PADI2: variants seen among roughly 807,000 people sequenced by gnomAD.
PADI2 encodes the protein peptidyl arginine deiminase 2, also known as protein-arginine deiminase type-2.
Under a neutral mutation model 81.1 loss-of-function variants are expected in PADI2, and 70 were observed. The observed-to-expected ratio is 0.86, with a 90% CI of 0.71 to 1.05. The LOEUF (loss-of-function observed/expected upper bound fraction) is 1.05. Ranked by LOEUF, PADI2 falls within the 50% of genes least tolerant of loss-of-function variation. The pLI is 0.00. For synonymous variants in PADI2, 338 were observed against 358.0 expected (o/e 0.94, Z 0.63); for missense variants, 853 against 889.9 (o/e 0.96, Z 0.53).
At chr1:17,071,935 C>T (rs2078267437) in intron 13 of PADI2, among the ~76,000 whole-genome samples, 1 of 152,202 alleles carries the variant, frequency 6.6e-6, no homozygotes, top group African/African-American at 2.4e-5. Flanking sequence ...CCTGCGTTTT[C>T]CTCCTGTACC....
At chr1:17,090,581 T>TTGTGTGTGTGTGTGTGTGTGTG (rs3036949) in intron 6 of PADI2, among the ~76,000 whole-genome samples, 98 of 142,850 alleles carry the variant, frequency 6.9e-4, no homozygotes, top group Non-Finnish European at 3.9e-4. Flanking sequence ...CGTCCTTTGC[T>TTGTGTGTGTGTGTGTGTGTGTG]TGTGTGTGTG....
Position 17,071,510 on chromosome 1 carries a change from A to C in PADI2, c.1550-19T>G, listed in dbSNP as rs1199672886. 11 of 1,599,332 alleles carry C rather than the reference A, an allele frequency of 6.9e-6. No homozygotes were observed. Among genetic ancestry groups the C allele is most frequent in the Non-Finnish European group, 9.4e-6 (11 of 1,166,724 alleles). On this transcript the variant is annotated intron_variant, in intron 13 of 15. Coordinates refer to ENST00000375486, the MANE Select transcript of PADI2 (RefSeq NM_007365.3). ...CCCAAGCCTGTGGGGTTCAAAGGAC[A>C]GGGGATGGTCAAGCTTTAGATACCC...
chr1:17,086,453 C>T (rs1316271630), intron 7 of PADI2, 68 bp downstream of exon 7: 3 of 1,336,710 alleles, frequency 2.2e-6, no homozygotes, highest in African/African-American at 2.9e-5. Context: ...ATAGGAATGG[C>T]CCACTAGTAG....
At chr1:17,088,516 C>T (rs2101589046) in intron 6 of PADI2, among the ~76,000 whole-genome samples, 1 of 152,182 alleles carries the variant, frequency 6.6e-6, no homozygotes, top group Middle Eastern at 3.4e-3. Context: ...CGAAATAGAC[C>T]CTGGTTATAA....
chr1:17,104,206 T>G (rs904521981), intron 2 of PADI2, among the ~76,000 whole-genome samples: 1 of 148,302 alleles, frequency 6.7e-6, no homozygotes, highest in Non-Finnish European at 1.5e-5. Flanking sequence ...AGGAGAATGG[T>G]GTGAACCTGG....
intron 1 of PADI2, 62 bp from the exon 2 acceptor site, chr1:17,105,123 A>G (rs11203300): frequency 0.77 from 977,275 of 1,265,900 alleles, 380,204 homozygotes; most frequent in East Asian, 0.87. Context: ...GAGGGGCTTC[A>G]AGAGGAGACT....
intron 10 of PADI2, among the ~76,000 whole-genome samples, chr1:17,079,758 G>A (rs1318202154): frequency 3.3e-5 from 5 of 151,488 alleles, no homozygotes; most frequent in Admixed American, 6.6e-5. Context: ...GAATTAGTCC[G>A]CATTTTATGC....
chr1:17,086,992 G>A (rs566572144), intron 6 of PADI2, among the ~76,000 whole-genome samples: 14 of 152,280 alleles, frequency 9.2e-5, no homozygotes, highest in African/African-American at 3.1e-4. Context: ...ATTGCCAGCT[G>A]AGCAGTTAGT....
In PADI2 at chr1:17,068,809, A is replaced by C. The variant is rs968283585; in HGVS notation, c.*235T>G. 1 of 574,056 alleles carries C rather than the reference A, an allele frequency of 1.7e-6. No individual in the cohort carries two copies. Among genetic ancestry groups the C allele is most frequent in the African/African-American group, 1.9e-5 (1 of 53,362 alleles). 35.6% of individuals were successfully genotyped at this position (574,056 alleles called of 1,614,324 possible). ...TCTGTTCCTTATGTCAGGGCTACAGAGACACTGGCCCAGCTATTTTCAGCA... is the reference window on the plus strand; with the variant it reads ...TCTGTTCCTTATGTCAGGGCTACAGCGACACTGGCCCAGCTATTTTCAGCA... On this transcript the variant is annotated 3_prime_UTR_variant, in exon 16 of 16. Coordinates refer to ENST00000375486, the MANE Select transcript of PADI2 (RefSeq NM_007365.3).
chr1:17,087,760 A>G (rs988535168), intron 6 of PADI2, among the ~76,000 whole-genome samples: 1 of 151,878 alleles, frequency 6.6e-6, no homozygotes, highest in Admixed American at 6.6e-5. Flanking sequence ...CTGCCTTCAG[A>G]CCCCCAAAGT....
At chr1:17,107,583 C>T (rs571761009) in intron 1 of PADI2, among the ~76,000 whole-genome samples, 4 of 152,332 alleles carry the variant, frequency 2.6e-5, no homozygotes, top group South Asian at 2.1e-4. Flanking sequence ...TTGATGCTGC[C>T]GGTCCCAGTA....
Position 17,119,225 on chromosome 1 carries a change from C to T in PADI2, c.92+55G>A, listed in dbSNP as rs1931858288. The T allele has an allele frequency of 3.1e-6, 4 of 1,284,758 alleles. No homozygotes were observed. The highest frequency in any genetic ancestry group is 4.3e-6 in the Non-Finnish European group (4 of 929,378). The allele number at this position is 1,284,758 out of a possible 1,614,324, so 79.6% of individuals were successfully genotyped here. A position where few individuals can be genotyped will look rare whatever the true frequency, so the allele number is the denominator to read the frequency against. On this transcript the variant is annotated intron_variant, in intron 1 of 15. Transcript: ENST00000375486. The surrounding 1 kb of genome is among the most constrained non-coding windows in gnomAD (Gnocchi z 4.8). ...TCCACGTCCCCGAGTCTGAGCGCGTCTCAGGATTTCTGGGCTCGAGATCTC... is the reference window on the plus strand; with the variant it reads ...TCCACGTCCCCGAGTCTGAGCGCGTTTCAGGATTTCTGGGCTCGAGATCTC...
intron 11 of PADI2, among the ~76,000 whole-genome samples, chr1:17,076,067 C>A (rs548639828): frequency 3.0e-4 from 46 of 152,284 alleles, no homozygotes; most frequent in African/African-American, 1.0e-3. Flanking sequence ...CAGGCTTCAG[C>A]CCTTGAGGGT....
chr1:17,089,754 G>A (rs906613875), intron 6 of PADI2, among the ~76,000 whole-genome samples: 5 of 152,134 alleles, frequency 3.3e-5, no homozygotes, highest in African/African-American at 1.2e-4. Flanking sequence ...CACACTGAGC[G>A]TGGCCAGCTT....
At chr1:17,087,339 T>C (rs955204558) in intron 6 of PADI2, among the ~76,000 whole-genome samples, 3 of 152,184 alleles carry the variant, frequency 2.0e-5, no homozygotes, top group Admixed American at 1.3e-4. Flanking sequence ...CCCCTCTGCC[T>C]GAAACAATTG....
intron 14 of PADI2, 52 bp downstream of exon 14, chr1:17,071,354 G>T: frequency 7.3e-7 from 1 of 1,365,350 alleles, no homozygotes; most frequent in Non-Finnish European, 1.0e-6. Context: ...AAGGGCCTGA[G>T]CCTCATCCCT....
intron 11 of PADI2, 21 bp downstream of exon 11, chr1:17,079,243 C>T: frequency 3.7e-6 from 6 of 1,608,706 alleles, no homozygotes; most frequent in Non-Finnish European, 5.1e-6. Flanking sequence ...CAGCCCCTAG[C>T]CCCAGCCTGG....
At chr1:17,070,271 C>T in intron 14 of PADI2, 55 bp from the exon 15 acceptor site, 2 of 1,599,184 alleles carry the variant, frequency 1.3e-6, no homozygotes, top group Middle Eastern at 1.7e-4. Context: ...ACACCGGCCA[C>T]CTTGTCAACC....
At position 17,082,657 on chromosome 1, in the gene PADI2, A is replaced by G. The variant is rs1444999258; in HGVS notation, c.1051-5T>C. 1.9e-6 allele frequency: 3 copies of G among 1,560,608 alleles called. No individual in the cohort carries two copies. The African/African-American group carries it at 4.1e-5, about 21-fold the overall frequency. On this transcript the variant is annotated splice_region_variant and splice_polypyrimidine_tract_variant and intron_variant, in intron 9 of 15. Coordinates refer to ENST00000375486, the MANE Select transcript of PADI2 (RefSeq NM_007365.3). ...GTAGCCAAACTCAATTTCATCCTGC[A>G]GGGACACCAAGGAGAACTGTTAGAC... is the stretch of plus-strand genomic sequence containing the variant.
Sources: allele counts gnomAD v4.1 joint callset (sites outside exome capture counted in the v4.1 genomes callset), GRCh38; gene constraint gnomAD v4.1.1; non-coding constraint Gnocchi (gnomAD v3.1); transcripts MANE v1.5; gene names NCBI Gene and HGNC (gene_info 2026-07-23, HGNC 2026-07-21).